P4HA1: variants seen among roughly 807,000 people sequenced by gnomAD.
The protein encoded by P4HA1 is prolyl 4-hydroxylase subunit alpha 1.
Under a neutral mutation model 72.8 loss-of-function variants are expected in P4HA1, and 24 were observed. The ratio of observed to expected loss-of-function variants is 0.33; its 90% CI spans 0.24 to 0.46. The LOEUF (loss-of-function observed/expected upper bound fraction) is 0.46, where lower values mean the gene tolerates loss of function less well. P4HA1 is among the 20% of genes least tolerant of loss of function. The pLI is 1.00. For missense variants in P4HA1, 446 were observed against 640.6 expected, an observed-to-expected ratio of 0.70 and a Z score of 3.28; for synonymous variants, 201 against 218.8, an observed-to-expected ratio of 0.92 and a Z score of 0.72.
At chr10:73,052,607 A>G (rs1398457505) in intron 6 of P4HA1, among the ~76,000 whole-genome samples, 1 of 152,216 alleles carries the variant, frequency 6.6e-6, no homozygotes, top group Non-Finnish European at 1.5e-5. Context: ...TTATTACCCA[A>G]CTAAGAAATA....
intron 13 of P4HA1, among the ~76,000 whole-genome samples, chr10:73,010,430 A>G (rs78827959): frequency 0.047 from 7,224 of 152,300 alleles, 602 homozygotes; most frequent in African/African-American, 0.16. Context: ...GTATTTGCCA[A>G]AAGAAAGCTA....
At chr10:73,096,624 G>T (rs1341371329) in intron 1 of P4HA1, 142 bp downstream of exon 1, 1 of 153,538 alleles carries the variant, frequency 6.5e-6, no homozygotes, top group Non-Finnish European at 1.5e-5. Context: ...CGAGGGGAAG[G>T]AACCGAGGCT....
intron 9 of P4HA1, among the ~76,000 whole-genome samples, chr10:73,037,569 A>ATTTTT (rs1368544736): frequency 3.7e-5 from 1 of 26,726 alleles, no homozygotes; most frequent in Non-Finnish European, 6.4e-5. Context: ...ATATATATAT[A>ATTTTT]TATTTTTTTT....
intron 12 of P4HA1, 109 bp from the exon 13 acceptor site, chr10:73,011,146 T>C: frequency 1.2e-6 from 1 of 808,252 alleles, no homozygotes; most frequent in East Asian, 2.6e-5. Context: ...TATGGACTTG[T>C]TCTTATATAG....
rs1316658256 is a variant in P4HA1, at chr10:73,072,150, A to G, written c.204T>C (p.Ser68=). 5 of 1,613,244 alleles carry G rather than the reference A, an allele frequency of 3.1e-6. No homozygotes were observed. Among genetic ancestry groups the G allele is most frequent in the Non-Finnish European group, 3.4e-6 (4 of 1,179,484 alleles). The change falls in exon 4 of 15, where the codon AGT becomes AGC. Residue 68 remains serine (S), a synonymous_variant. Coordinates refer to ENST00000394890, the MANE Select transcript of P4HA1 (RefSeq NM_001017962.3). ...KWAEKLDRLT[S]TATKDPEGFV... ...ATCCTTCTGGATCTTTTGTCGCTGTACTAGTTAGCCGATCTAACTTCTCTG... is the reference window on the plus strand; with the variant it reads ...ATCCTTCTGGATCTTTTGTCGCTGTGCTAGTTAGCCGATCTAACTTCTCTG...
rs1031254400 is a variant in P4HA1 at position 73,069,134 on chromosome 10, C to A, written c.326-151G>T. On this transcript the variant is annotated intron_variant, in intron 4 of 14. Transcript: ENST00000394890. The stretch of plus-strand genomic sequence containing the variant: ...ACTCAACAAGAAAAAATTAAATACA[C>A]TGAATAAGACTTGGCATACTTCTAA... 8 of 598,620 alleles carry A rather than the reference C, an allele frequency of 1.3e-5. No homozygotes were observed. In the Admixed American group the frequency reaches 2.1e-4, roughly 16 times the overall value. The allele number at this position is 598,620 out of a possible 1,614,324, so 37.1% of individuals were successfully genotyped here.
chr10:73,076,593 T>C (rs1022045972), intron 1 of P4HA1, among the ~76,000 whole-genome samples: 8 of 152,086 alleles, frequency 5.3e-5, no homozygotes, highest in Admixed American at 1.3e-4. Flanking sequence ...GCACCGTCTT[T>C]TCTAGTGAGG....
chr10:73,088,425 T>A (rs1402029729), intron 1 of P4HA1, among the ~76,000 whole-genome samples: 1 of 152,186 alleles, frequency 6.6e-6, no homozygotes, highest in Non-Finnish European at 1.5e-5. Context: ...ATTCCCTCCC[T>A]TGGTACTGGT....
chr10:73,073,715 C>T lies in P4HA1; in HGVS notation c.173+16G>A, dbSNP rs200182136. 9.6e-6 allele frequency: 11 copies of T among 1,146,644 alleles called. No homozygotes were observed. The highest frequency in any genetic ancestry group is 1.9e-4 in the Middle Eastern group (1 of 5,204). 71.0% of individuals were successfully genotyped at this position (1,146,644 alleles called of 1,614,324 possible). A position where few individuals can be genotyped will look rare whatever the true frequency, so the allele number is the denominator to read the frequency against. ...CAGGTTGAGTCAGAGTCATAATAAG[C>T]AAACATTTTGCTTACTTTTTTATTT... is the stretch of plus-strand genomic sequence containing the variant. On this transcript the variant is annotated intron_variant, in intron 3 of 14. Coordinates refer to ENST00000394890, the MANE Select transcript of P4HA1 (RefSeq NM_001017962.3).
intron 12 of P4HA1, 40 bp downstream of exon 12, chr10:73,014,184 C>A (rs200433388): frequency 7.6e-7 from 1 of 1,316,596 alleles, no homozygotes; most frequent in Non-Finnish European, 1.1e-6. Flanking sequence ...ATCTTGTCAT[C>A]AAATCCCAAC....
chr10:73,086,933 CAAAAAAA>C lies in P4HA1; in HGVS notation c.-33+9826_-33+9832del, dbSNP rs59200288. On this transcript the variant is annotated intron_variant, in intron 1 of 14. Transcript: ENST00000394890. ...TGGGTAAAAGAGTGAGAGTGCATCT[CAAAAAAA>C]AAAAAAAAAAAAAAAAAAAGAGGAA... Among the ~76,000 whole-genome samples the C allele has an allele frequency of 2.7e-3, 88 of 33,092 alleles. 1 individual carries two copies. The highest frequency in any genetic ancestry group is 0.013 in the South Asian group (23 of 1,742). The allele number at this position is 33,092 out of a possible 152,430, so 21.7% of individuals were successfully genotyped here. A position where few individuals can be genotyped will look rare whatever the true frequency, so the allele number is the denominator to read the frequency against.
chr10:73,085,789 A>G (rs1342642135), intron 1 of P4HA1, among the ~76,000 whole-genome samples: 2 of 152,234 alleles, frequency 1.3e-5, no homozygotes, highest in African/African-American at 4.8e-5. Context: ...ATGCAAATCA[A>G]TTCCACAATG....
Position 73,034,046 on chromosome 10 carries a change from C to G in P4HA1, c.1149-3676G>C, listed in dbSNP as rs142071626. On this transcript the variant is annotated intron_variant, in intron 9 of 14. Coordinates refer to ENST00000394890, the MANE Select transcript of P4HA1 (RefSeq NM_001017962.3). ...GCAACCTAGCAAGACCCTGTCTCCA[C>G]AAAAAAAGTTTAAAAATTAGCCAGG... Among the ~76,000 whole-genome samples, 4 of 152,090 alleles carry G rather than the reference C, an allele frequency of 2.6e-5. No individual in the cohort carries two copies. The East Asian group carries it at 7.7e-4, about 29-fold the overall frequency.
intron 11 of P4HA1, among the ~76,000 whole-genome samples, chr10:73,016,545 G>A (rs559238455): frequency 3.7e-4 from 56 of 152,382 alleles, no homozygotes; most frequent in African/African-American, 1.3e-3. Flanking sequence ...GGGAGGCTGA[G>A]GTGGGTGGAT....
At position 73,030,513 on chromosome 10, in the gene P4HA1, T is replaced by A. The variant is rs543648818; in HGVS notation, c.1149-143A>T. ...ATTTAGTTCATTTTCTTGCTTAGTA[T>A]CATCTTTATTAATGGATATTGTAAT... On this transcript the variant is annotated intron_variant, in intron 9 of 14. Transcript: ENST00000394890. 5 of 420,322 alleles carry A rather than the reference T, an allele frequency of 1.2e-5. No individual in the cohort carries two copies. The South Asian group carries it at 3.4e-4, about 29-fold the overall frequency. The allele number at this position is 420,322 out of a possible 1,614,324, so 26.0% of individuals were successfully genotyped here.
rs1026870635 is a variant in P4HA1, at chr10:73,026,034, G to A, written c.1248+4237C>T. The stretch of plus-strand genomic sequence containing the variant: ...TCGTGAAAATGGCCATACTGCCCAA[G>A]GTAATTTACAGATTCAATGCCATCC... On this transcript the variant is annotated intron_variant, in intron 10 of 14. Coordinates refer to ENST00000394890, the MANE Select transcript of P4HA1 (RefSeq NM_001017962.3). Among the ~76,000 whole-genome samples, 4 of 152,204 alleles carry A rather than the reference G, an allele frequency of 2.6e-5. No individual in the cohort carries two copies. In the South Asian group the frequency reaches 6.2e-4, roughly 24 times the overall value.
intron 1 of P4HA1, among the ~76,000 whole-genome samples, chr10:73,081,951 G>A (rs752154963): frequency 6.6e-6 from 1 of 152,208 alleles, no homozygotes; most frequent in Non-Finnish European, 1.5e-5. Context: ...GGGAGGTGGA[G>A]TTTACAGTGA....
At chr10:73,042,562 C>A (rs1002550766) in intron 9 of P4HA1, among the ~76,000 whole-genome samples, 1 of 151,984 alleles carries the variant, frequency 6.6e-6, no homozygotes, top group Non-Finnish European at 1.5e-5. Context: ...CCACTGGAAT[C>A]TAAATACCAT....
At chr10:73,010,218 T>G (rs1434404197) in intron 13 of P4HA1, among the ~76,000 whole-genome samples, 1 of 152,154 alleles carries the variant, frequency 6.6e-6, no homozygotes. Context: ...TCCGCCCATC[T>G]TGGCCTCCCA....
Sources: allele counts gnomAD v4.1 joint callset (sites outside exome capture counted in the v4.1 genomes callset), GRCh38; gene constraint gnomAD v4.1.1; transcripts MANE v1.5; gene names NCBI Gene and HGNC (gene_info 2026-07-23, HGNC 2026-07-21).